Variants in NFATC2 observed in about 807,000 individuals in gnomAD.
NFATC2 encodes the protein nuclear factor of activated T cells 2.
In NFATC2, 22 loss-of-function variants were observed where a neutral mutation model predicts 87.3. The observed-to-expected ratio is 0.25, with a 90% CI of 0.18 to 0.36. The LOEUF is 0.36. Among genes scored for constraint, NFATC2 ranks in the 10% least tolerant of loss-of-function variants. The probability of loss-of-function intolerance (pLI) is 1.00; values close to 1 mark genes in which losing one functional copy is unlikely to be tolerated. For missense variants in NFATC2, 1,149 were observed against 1,259.1 expected, an observed-to-expected ratio of 0.91 and a Z score of 1.32; for synonymous variants, 565 against 542.2, an observed-to-expected ratio of 1.04 and a Z score of -0.58.
intron 3 of NFATC2, among the ~76,000 whole-genome samples, chr20:51,498,703 T>C (rs1393314031): frequency 6.6e-6 from 1 of 152,126 alleles, no homozygotes; most frequent in East Asian, 1.9e-4. Flanking sequence ...ATGAGAATTG[T>C]TTGAACCCAG....
intron 9 of NFATC2, among the ~76,000 whole-genome samples, chr20:51,425,839 A>T (rs1350420449): frequency 2.0e-5 from 3 of 152,302 alleles, no homozygotes. Context: ...TTCAAAGCAC[A>T]TCCATGGCCC....
At chr20:51,494,863 A>G (rs570121104) in intron 3 of NFATC2, among the ~76,000 whole-genome samples, 1 of 152,120 alleles carries the variant, frequency 6.6e-6, no homozygotes, top group Non-Finnish European at 1.5e-5. Context: ...CCACTGAGAA[A>G]AGCCACTACC....
chr20:51,545,436 AT>A (rs1385484059), upstream of NFATC2, among the ~76,000 whole-genome samples: 2 of 152,208 alleles, frequency 1.3e-5, no homozygotes, highest in Non-Finnish European at 2.9e-5. Context: ...CAATCAGAGA[AT>A]TTTATCTCCA....
At position 51,494,330 on chromosome 20, in the gene NFATC2, C is replaced by G. The variant is rs529199521; in HGVS notation, c.1333-18670G>C. ...TGGAAATCAAAAGCAAATCTGGCGGCTTCCCTGGCTGGTGGCTTTTCTGCT... is the reference window on the plus strand; with the variant it reads ...TGGAAATCAAAAGCAAATCTGGCGGGTTCCCTGGCTGGTGGCTTTTCTGCT... On this transcript the variant is annotated intron_variant, in intron 3 of 10. Transcript: ENST00000371564. Among the ~76,000 whole-genome samples the G allele has an allele frequency of 1.5e-4, 23 of 151,908 alleles. No individual in the cohort carries two copies. In the South Asian group the frequency reaches 4.8e-3, roughly 32 times the overall value.
At chr20:51,391,480 G>A (rs1170358436) in intron 10 of NFATC2, 29 bp from the exon 11 acceptor site, 7 of 1,507,894 alleles carry the variant, frequency 4.6e-6, no homozygotes, top group Admixed American at 1.7e-5. Context: ...GGGGGGGGGA[G>A]AGAGAATGGG....
intron 3 of NFATC2, among the ~76,000 whole-genome samples, chr20:51,489,774 G>A (rs2075851011): frequency 6.6e-6 from 1 of 152,214 alleles, no homozygotes. Flanking sequence ...CAACTGCTCA[G>A]AAACATACCA....
chr20:51,416,620 G>T (rs1980076550), intron 9 of NFATC2, among the ~76,000 whole-genome samples: 2 of 152,198 alleles, frequency 1.3e-5, no homozygotes, highest in African/African-American at 4.8e-5. Flanking sequence ...TGCAGCCCTG[G>T]ACAGATAAAG....
chr20:51,496,743 C>G (rs1032568056), intron 3 of NFATC2, among the ~76,000 whole-genome samples: 1 of 152,104 alleles, frequency 6.6e-6, no homozygotes, highest in African/African-American at 2.4e-5. Context: ...GGATTCAAAC[C>G]CAGGTCATCC....
intron 9 of NFATC2, among the ~76,000 whole-genome samples, chr20:51,405,124 C>A (rs907209534): frequency 6.6e-6 from 1 of 152,158 alleles, no homozygotes; most frequent in Non-Finnish European, 1.5e-5. Context: ...CCACCTGCTT[C>A]GAGTTGAGCT....
At chr20:51,402,873 T>G (rs1205521515) in intron 9 of NFATC2, among the ~76,000 whole-genome samples, 2 of 152,210 alleles carry the variant, frequency 1.3e-5, no homozygotes, top group Non-Finnish European at 2.9e-5. Flanking sequence ...CATAAAGATA[T>G]TTCTTCAAAT....
At chr20:51,426,419 A>C (rs1274949114) in intron 9 of NFATC2, among the ~76,000 whole-genome samples, 2 of 152,138 alleles carry the variant, frequency 1.3e-5, no homozygotes, top group Non-Finnish European at 1.5e-5. Context: ...CAGAGGTTGC[A>C]GCGAGCCAAG....
At chr20:51,468,553 G>C (rs969954131) in intron 5 of NFATC2, among the ~76,000 whole-genome samples, 1 of 152,208 alleles carries the variant, frequency 6.6e-6, no homozygotes, top group African/African-American at 2.4e-5. Context: ...ATAGTGGCTT[G>C]GGCAGAGCTA....
At chr20:51,463,234 G>C (rs1987333833) in intron 5 of NFATC2, among the ~76,000 whole-genome samples, 1 of 152,216 alleles carries the variant, frequency 6.6e-6, no homozygotes, top group African/African-American at 2.4e-5. Context: ...GTGGGAGAGT[G>C]GAGGGGAACC....
At chr20:51,489,247 T>C (rs2075841237) in intron 3 of NFATC2, among the ~76,000 whole-genome samples, 1 of 147,302 alleles carries the variant, frequency 6.8e-6, no homozygotes, top group South Asian at 2.1e-4. Context: ...CTCACCAAGA[T>C]GGTGAGGGGG....
chr20:51,516,880 G>C lies in NFATC2; in HGVS notation c.1236C>G (p.Ile412Met). ...SSQSGSYELR[I>M]EVQPKPHHRA... ...GGTGATGTGGCTTGGGCTGCACCTCGATCCGCAGCTCGTAAGAGCCTGACT... is the reference window on the plus strand; with the variant it reads ...GGTGATGTGGCTTGGGCTGCACCTCCATCCGCAGCTCGTAAGAGCCTGACT... Residue 412 changes from isoleucine to methionine, a missense_variant, in exon 3 of 11, where the codon ATC becomes ATG. Transcript: ENST00000371564. 1 of 1,614,140 alleles carries C rather than the reference G, an allele frequency of 6.2e-7. No homozygotes were observed. Among genetic ancestry groups the C allele is most frequent in the Non-Finnish European group, 8.5e-7 (1 of 1,180,006 alleles).
At chr20:51,445,916 C>T (rs1984999864) in intron 6 of NFATC2, among the ~76,000 whole-genome samples, 1 of 152,210 alleles carries the variant, frequency 6.6e-6, no homozygotes, top group Non-Finnish European at 1.5e-5. Flanking sequence ...ATTTCAGCTC[C>T]TCCCCTGTCC....
At chr20:51,498,210 G>A (rs2076021161) in intron 3 of NFATC2, among the ~76,000 whole-genome samples, 4 of 152,076 alleles carry the variant, frequency 2.6e-5, no homozygotes, top group South Asian at 4.1e-4. Context: ...CCAAGGAGCC[G>A]CCTACGCCAG....
At chr20:51,393,863 C>T (rs563983886) in intron 10 of NFATC2, among the ~76,000 whole-genome samples, 1 of 152,264 alleles carries the variant, frequency 6.6e-6, no homozygotes, top group East Asian at 1.9e-4. Context: ...AAGGCCCTCT[C>T]GAAGGGCTGT....
chr20:51,524,661 C>G lies in NFATC2; in HGVS notation c.131-551G>C, dbSNP rs144372421. Among the ~76,000 whole-genome samples, 17 of 152,138 alleles carry G rather than the reference C, an allele frequency of 1.1e-4. No homozygotes were observed. The highest frequency in any genetic ancestry group is 2.6e-4 in the Admixed American group (4 of 15,290). On this transcript the variant is annotated intron_variant, in intron 1 of 10. Coordinates refer to ENST00000371564, the MANE Select transcript of NFATC2 (RefSeq NM_012340.5). This position sits in a 1 kb window ranked among gnomAD's most constrained non-coding sequence, Gnocchi z 4.0. Reference sequence around the variant, plus strand: ...GGACGCAGGACACAGAGGGAGGCTGCGCAGACTCTGCAGCCCACAGTGCCC... The same window carrying G: ...GGACGCAGGACACAGAGGGAGGCTGGGCAGACTCTGCAGCCCACAGTGCCC...
Sources: allele counts gnomAD v4.1 joint callset (sites outside exome capture counted in the v4.1 genomes callset), GRCh38; gene constraint gnomAD v4.1.1; non-coding constraint Gnocchi (gnomAD v3.1); transcripts MANE v1.5; gene names NCBI Gene and HGNC (gene_info 2026-07-23, HGNC 2026-07-21).